The following ANO1 variants were observed in gnomAD, a reference collection of about 807,000 sequenced individuals.
ANO1 encodes the protein anoctamin-1.
ANO1 carries 59 observed loss-of-function variants against 124.0 expected under a neutral mutation model. The observed-to-expected ratio is 0.48, with a 90% CI of 0.39 to 0.59. The LOEUF is 0.59. Ranked by LOEUF, ANO1 falls within the 20% of genes least tolerant of loss-of-function variation. The pLI is 0.00. For missense variants in ANO1, 1,059 were observed against 1,328.0 expected (o/e 0.80, Z 3.15); for synonymous variants, 529 against 532.0 (o/e 0.99, Z 0.08).
intron 1 of ANO1, among the ~76,000 whole-genome samples, chr11:70,051,836 T>A (rs1008514952): frequency 3.3e-5 from 5 of 152,274 alleles, no homozygotes; most frequent in Non-Finnish European, 7.3e-5. Context: ...TCTCCCACTC[T>A]GTCTTCCCTT....
chr11:70,187,189 C>T (rs1366455133), intron 25 of ANO1, among the ~76,000 whole-genome samples: 5 of 152,346 alleles, frequency 3.3e-5, no homozygotes, highest in African/African-American at 9.6e-5. Context: ...CAGCACCGCC[C>T]GTGGCGGGAA....
chr11:70,104,128 T>C lies in ANO1; in HGVS notation c.670T>C (p.Phe224Leu), dbSNP rs747637900. 3.1e-6 allele frequency: 5 copies of C among 1,612,676 alleles called. No homozygotes were observed. The highest frequency in any genetic ancestry group is 4.2e-6 in the Non-Finnish European group (5 of 1,179,426). Residue 224 changes from phenylalanine to leucine, a missense_variant, in exon 4 of 26, where the codon TTC becomes CTC. Physicochemically the swap from Phe to Leu is conservative, Grantham distance 22 (BLOSUM62 0). Around this residue, in one of 2 missense-constraint regions of ANO1, gnomAD observed 809 missense variants for 1,094.9 expected, o/e 0.74. Transcript: ENST00000355303. ...GACCATGAAGAGACTCTCCTATCCCTTCTCCCGGGAGAAGCAGCATCTGTA... is the reference window on the plus strand; with the variant it reads ...GACCATGAAGAGACTCTCCTATCCCCTCTCCCGGGAGAAGCAGCATCTGTA... ...PQTMKRLSYPFSREKQHLFDL... is the reference protein window; with the variant it reads ...PQTMKRLSYPLSREKQHLFDL...
chr11:70,182,933 A>G (rs1426716534), intron 24 of ANO1, among the ~76,000 whole-genome samples: 1 of 151,982 alleles, frequency 6.6e-6, no homozygotes, highest in Admixed American at 6.6e-5. Context: ...ACATAGTGAG[A>G]CCTCATCTCT....
chr11:70,098,061 G>A (rs866827647), intron 2 of ANO1, among the ~76,000 whole-genome samples: 2 of 152,304 alleles, frequency 1.3e-5, no homozygotes, highest in South Asian at 4.1e-4. Flanking sequence ...TGAACCCCTT[G>A]GGGCACCCGC....
intron 1 of ANO1, among the ~76,000 whole-genome samples, chr11:69,993,054 G>C (rs1856185924): frequency 6.6e-6 from 1 of 152,120 alleles, no homozygotes; most frequent in African/African-American, 2.4e-5. Context: ...TGGGCCTTTT[G>C]CCATGATTCG....
chr11:70,163,119 G>A (rs2048120645), intron 18 of ANO1, among the ~76,000 whole-genome samples, 164 bp from the exon 19 acceptor site: 4 of 152,230 alleles, frequency 2.6e-5, no homozygotes, highest in Admixed American at 2.6e-4. Flanking sequence ...GAAAACCACT[G>A]TGGTCATCTT....
intron 1 of ANO1, among the ~76,000 whole-genome samples, chr11:70,042,122 G>C (rs1555005122): frequency 6.6e-6 from 1 of 152,078 alleles, no homozygotes; most frequent in African/African-American, 2.4e-5. Context: ...TGCATGAGAG[G>C]CTCGCAATTC....
At chr11:70,105,824 C>T in intron 5 of ANO1, 36 bp downstream of exon 5, 1 of 1,602,004 alleles carries the variant, frequency 6.2e-7, no homozygotes, top group Non-Finnish European at 8.5e-7. Context: ...GGCTCACTGG[C>T]AAGATGGCCC....
At chr11:70,085,530 G>T (rs2044338558) in intron 1 of ANO1, 2 of 1,535,960 alleles carry the variant, frequency 1.3e-6, no homozygotes, top group East Asian at 2.4e-5. Context: ...TGCTGACCAG[G>T]CCCTCCCAGG....
intron 22 of ANO1, among the ~76,000 whole-genome samples, chr11:70,175,282 G>C (rs886741489): frequency 2.6e-5 from 4 of 152,254 alleles, no homozygotes; most frequent in African/African-American, 9.6e-5. Context: ...TCACTTCCTG[G>C]TTCCTGTCCG....
intron 1 of ANO1, among the ~76,000 whole-genome samples, chr11:70,028,544 C>T (rs1481028991): frequency 6.6e-6 from 1 of 152,080 alleles, no homozygotes; most frequent in Admixed American, 6.5e-5. Context: ...TGGACAGACA[C>T]TCCCTCAGCT....
At position 70,087,984 on chromosome 11, in the gene ANO1, A is replaced by G; in HGVS notation, c.341A>G (p.Glu114Gly). The change falls in exon 2 of 26, where the codon GAG becomes GGG. Residue 114 changes from glutamate to glycine, a missense_variant. Physicochemically the swap from Glu to Gly is moderately conservative, Grantham distance 98. Around this residue, in one of 2 missense-constraint regions of ANO1, gnomAD observed 250 missense variants for 233.1 expected, o/e 1.07. Transcript: ENST00000355303. ...KGASLDAGSG[E>G]PPMDYHEDDK... ...GCGTCGCTGGATGCAGGCTCGGGGG[A>G]GCCCCCGATGGACTACCACGAGGAT... The G allele has an allele frequency of 6.4e-7, 1 of 1,569,692 alleles. No individual in the cohort carries two copies.
chr11:70,049,521 T>C (rs1223627247), intron 1 of ANO1, among the ~76,000 whole-genome samples: 2 of 152,206 alleles, frequency 1.3e-5, no homozygotes, highest in African/African-American at 4.8e-5. Flanking sequence ...ATTCAGCAGG[T>C]CATGCTCTGA....
At chr11:70,102,787 G>A (rs943979221) in intron 2 of ANO1, among the ~76,000 whole-genome samples, 1 of 152,194 alleles carries the variant, frequency 6.6e-6, no homozygotes, top group African/African-American at 2.4e-5. Flanking sequence ...GTGTTTTGGA[G>A]TCTATACCCA....
intron 1 of ANO1, among the ~76,000 whole-genome samples, chr11:70,025,269 G>A (rs1856872650): frequency 6.6e-6 from 1 of 152,190 alleles, no homozygotes; most frequent in South Asian, 2.1e-4. Flanking sequence ...GTGGTAGTGA[G>A]GGTTAGACAG....
chr11:69,972,518 C>T, the ANO1 span, among the ~76,000 whole-genome samples: 1 of 152,154 alleles, frequency 6.6e-6, no homozygotes, highest in African/African-American at 2.4e-5. Context: ...CCTTTGAAAA[C>T]TGTAAAGTGC....
the ANO1 span, among the ~76,000 whole-genome samples, chr11:69,974,034 T>C: frequency 1.3e-5 from 2 of 152,084 alleles, no homozygotes; most frequent in African/African-American, 4.8e-5. Flanking sequence ...AAATAATATT[T>C]AAGGCCAGGC....
At chr11:70,161,084 C>CT in intron 16 of ANO1, 77 bp from the exon 17 acceptor site, 1 of 1,347,772 alleles carries the variant, frequency 7.4e-7, no homozygotes, top group Non-Finnish European at 1.0e-6. Context: ...GACAGCTGGA[C>CT]TGAGGGAGCA....
Position 70,041,578 on chromosome 11 carries a change from C to T in ANO1, c.59-36964C>T, listed in dbSNP as rs1363335200. Among the ~76,000 whole-genome samples, 5 of 152,254 alleles carry T rather than the reference C, an allele frequency of 3.3e-5. No homozygotes were observed. In the East Asian group the frequency reaches 9.7e-4, roughly 29 times the overall value. On this transcript the variant is annotated intron_variant, in intron 1 of 27. Coordinates refer to the ANO1 transcript ENST00000531349. ...TGACTTTCATGAAAAGATGTGAGCTCAAATAACAACAACAGCAGCAACATA... is the reference window on the plus strand; with the variant it reads ...TGACTTTCATGAAAAGATGTGAGCTTAAATAACAACAACAGCAGCAACATA...
Sources: allele counts gnomAD v4.1 joint callset (sites outside exome capture counted in the v4.1 genomes callset), GRCh38; gene constraint gnomAD v4.1.1; regional missense constraint gnomAD v4.1.1; transcripts MANE v1.5; gene names NCBI Gene and HGNC (gene_info 2026-07-23, HGNC 2026-07-21).